DTNBP1: variants seen among roughly 807,000 people sequenced by gnomAD.
DTNBP1 encodes dysbindin.
A neutral mutation model predicts 42.8 loss-of-function variants in DTNBP1; 35 were observed. The observed-to-expected ratio is 0.82, with a 90% CI of 0.63 to 1.09. The LOEUF (loss-of-function observed/expected upper bound fraction) is 1.09, where lower values mean the gene tolerates loss of function less well. DTNBP1 is among the 50% of genes least tolerant of loss of function. The probability of loss-of-function intolerance (pLI) is 0.00; values close to 1 mark genes in which losing one functional copy is unlikely to be tolerated. For synonymous variants in DTNBP1, 171 were observed against 162.2 expected (o/e 1.05, Z -0.41); for missense variants, 457 against 424.2 (o/e 1.08, Z -0.68).
chr6:15,537,713 G>C (rs1018270899), intron 7 of DTNBP1, among the ~76,000 whole-genome samples: 6 of 152,140 alleles, frequency 3.9e-5, no homozygotes, highest in African/African-American at 1.4e-4. Context: ...GTGTTTGACA[G>C]TTCCTTCCCA....
chr6:15,655,571 A>G (rs779431452), intron 1 of DTNBP1, among the ~76,000 whole-genome samples: 5 of 152,086 alleles, frequency 3.3e-5, no homozygotes, highest in Admixed American at 1.3e-4. Context: ...GGAAATAGTC[A>G]TCTTTTTCCC....
At chr6:15,647,563 GAA>G (rs998452546) in intron 3 of DTNBP1, among the ~76,000 whole-genome samples, 2 of 140,912 alleles carry the variant, frequency 1.4e-5, no homozygotes, top group Non-Finnish European at 3.1e-5. Context: ...GATTGACTAA[GAA>G]AAAAAAAAAG....
intron 3 of DTNBP1, among the ~76,000 whole-genome samples, chr6:15,644,921 T>C (rs1181219527): frequency 6.6e-6 from 1 of 151,016 alleles, no homozygotes; most frequent in Non-Finnish European, 1.5e-5. Context: ...AAGAAATAAT[T>C]ATGATCAGAG....
intron 9 of DTNBP1, chr6:15,523,424 T>C: frequency 8.7e-6 from 11 of 1,258,490 alleles, no homozygotes; most frequent in Non-Finnish European, 1.2e-5. Context: ...GCGGTGACCC[T>C]TCTGTCCCCT....
intron 3 of DTNBP1, among the ~76,000 whole-genome samples, chr6:15,648,143 G>C (rs1484725889): frequency 1.3e-5 from 2 of 151,898 alleles, no homozygotes; most frequent in Non-Finnish European, 2.9e-5. Flanking sequence ...CAGATTGGTA[G>C]AACGAAAGGA....
At chr6:15,573,541 G>A (rs1228796138) in intron 7 of DTNBP1, among the ~76,000 whole-genome samples, 5 of 151,990 alleles carry the variant, frequency 3.3e-5, no homozygotes, top group East Asian at 1.9e-4. Flanking sequence ...AGACAAGGGC[G>A]CAGTGGCTCA....
chr6:15,557,342 T>C (rs749371301), intron 7 of DTNBP1, among the ~76,000 whole-genome samples: 3 of 151,948 alleles, frequency 2.0e-5, no homozygotes, highest in Non-Finnish European at 4.4e-5. Flanking sequence ...TGTGAAAGGT[T>C]TGTGAAAGAC....
chr6:15,613,432 T>A (rs2113696159), intron 6 of DTNBP1, among the ~76,000 whole-genome samples: 1 of 130,372 alleles, frequency 7.7e-6, no homozygotes, highest in Admixed American at 8.8e-5. Flanking sequence ...AGTGGCGCGA[T>A]CTCGGCTCAC....
Position 15,662,836 on chromosome 6 carries a change from C to G in DTNBP1, c.34G>C (p.Val12Leu), listed in dbSNP as rs752961909. ...LETLRERLLS[V>L]QQDFTSGLKT... The stretch of plus-strand genomic sequence containing the variant: ...CACCCGGAGGTGAAATCCTGCTGCA[C>G]GCTCAGCAGCCGCTCGCGAAGGGTC... Residue 12 changes from valine to leucine, a missense_variant, in exon 1 of 10, where the codon GTG (valine) becomes CTG (leucine). Physicochemically the swap from Val to Leu is conservative, Grantham distance 32 (BLOSUM62 1). Coordinates refer to ENST00000344537, the MANE Select transcript of DTNBP1 (RefSeq NM_032122.5). 1.2e-6 allele frequency: 2 copies of G among 1,610,486 alleles called. No individual in the cohort carries two copies. Among genetic ancestry groups the G allele is most frequent in the South Asian group, 1.1e-5 (1 of 91,068 alleles).
intron 7 of DTNBP1, among the ~76,000 whole-genome samples, chr6:15,554,446 G>A (rs1774397768): frequency 6.6e-6 from 1 of 152,042 alleles, no homozygotes; most frequent in African/African-American, 2.4e-5. Context: ...GGATGGGTGA[G>A]GGAAAGATAT....
intron 6 of DTNBP1, among the ~76,000 whole-genome samples, chr6:15,598,122 C>T (rs1361850718): frequency 6.6e-6 from 1 of 152,022 alleles, no homozygotes; most frequent in Non-Finnish European, 1.5e-5. Flanking sequence ...AAGGGTGAAA[C>T]TGCTATTATT....
chr6:15,524,570 AG>A lies in DTNBP1; in HGVS notation c.766del (p.Leu256Ter). On this transcript the variant is annotated frameshift_variant, in exon 9 of 10. Coordinates refer to ENST00000344537, the MANE Select transcript of DTNBP1 (RefSeq NM_032122.5). LOFTEE classifies it low-confidence loss of function (END_TRUNC). ...AGTGTTCTCTTCTCCTCCAGAGTTCAGGAAGACGTCCAGGGCCTCCTGGTCC... is the reference window on the plus strand; with the variant it reads ...AGTGTTCTCTTCTCCTCCAGAGTTCAGAAGACGTCCAGGGCCTCCTGGTCC... ...ISDQEALDVF[L>X]NSGGEENTVL... 1 of 1,611,808 alleles carries A rather than the reference AG, an allele frequency of 6.2e-7. No homozygotes were observed. Among genetic ancestry groups the A allele is most frequent in the East Asian group, 2.2e-5 (1 of 44,848 alleles).
At chr6:15,532,845 A>G (rs1047842533) in intron 8 of DTNBP1, among the ~76,000 whole-genome samples, 4 of 151,670 alleles carry the variant, frequency 2.6e-5, no homozygotes, top group African/African-American at 7.3e-5. Context: ...GATTAGAGAC[A>G]CGCGCCACCA....
chr6:15,661,151 T>C (rs1349260979), intron 1 of DTNBP1, among the ~76,000 whole-genome samples: 1 of 152,200 alleles, frequency 6.6e-6, no homozygotes, highest in African/African-American at 2.4e-5. Context: ...ATTAACATTT[T>C]TGTCCATTAA....
intron 7 of DTNBP1, chr6:15,546,029 T>A (rs752336946): frequency 2.2e-6 from 1 of 447,994 alleles, no homozygotes; most frequent in Non-Finnish European, 4.5e-6. Flanking sequence ...AGGGTGGAGC[T>A]GGCTGAATAT....
At chr6:15,646,324 A>T (rs1760678670) in intron 3 of DTNBP1, among the ~76,000 whole-genome samples, 1 of 151,554 alleles carries the variant, frequency 6.6e-6, no homozygotes, top group Non-Finnish European at 1.5e-5. Flanking sequence ...AGGAAGTGAA[A>T]GATCTCTACA....
intron 8 of DTNBP1, among the ~76,000 whole-genome samples, chr6:15,532,014 T>TG (rs1161247060): frequency 6.6e-6 from 1 of 152,140 alleles, no homozygotes; most frequent in African/African-American, 2.4e-5. Flanking sequence ...GAGATGTGGT[T>TG]GGGGGCAGGA....
intron 5 of DTNBP1, among the ~76,000 whole-genome samples, chr6:15,625,720 T>C (rs1160825541): frequency 6.6e-6 from 1 of 152,124 alleles, no homozygotes; most frequent in Non-Finnish European, 1.5e-5. Flanking sequence ...GTAAACAGAT[T>C]TACTCTCAGC....
intron 2 of DTNBP1, 50 bp downstream of exon 2, chr6:15,652,037 T>G (rs1264516174): frequency 1.3e-6 from 2 of 1,518,988 alleles, no homozygotes; most frequent in Non-Finnish European, 1.8e-6. Flanking sequence ...ACACCAAAAG[T>G]TGTATGAAAT....
Sources: gnomAD v4.1 joint callset for allele counts (sites outside exome capture counted in the v4.1 genomes callset) on GRCh38, gnomAD v4.1.1 for gene constraint, MANE v1.5 for transcripts, NCBI Gene and HGNC (gene_info 2026-07-23, HGNC 2026-07-21) for gene names.